The following NALCN variants were observed in gnomAD, a reference collection of about 807,000 sequenced individuals.
NALCN encodes the protein sodium leak channel, non-selective, also known as sodium leak channel NALCN.
Under a neutral mutation model 225.3 loss-of-function variants are expected in NALCN, and 111 were observed. The ratio of observed to expected loss-of-function variants is 0.49; its 90% confidence interval spans 0.42 to 0.58. The LOEUF (loss-of-function observed/expected upper bound fraction) is 0.58. NALCN is among the 20% of genes least tolerant of loss of function. The pLI is 0.00. For missense variants in NALCN, 1,378 were observed against 2,202.4 expected (o/e 0.63, Z 7.49); for synonymous variants, 764 against 769.0 (o/e 0.99, Z 0.11).
chr13:101,155,984 G>A (rs1359062919), intron 15 of NALCN, among the ~76,000 whole-genome samples: 1 of 152,016 alleles, frequency 6.6e-6, no homozygotes, highest in African/African-American at 2.4e-5. Flanking sequence ...AGAATCAGTT[G>A]TCCCTCCTCC....
intron 13 of NALCN, among the ~76,000 whole-genome samples, chr13:101,208,013 C>G (rs1282368278): frequency 6.6e-6 from 1 of 151,884 alleles, no homozygotes; most frequent in Non-Finnish European, 1.5e-5. Flanking sequence ...CTGTAACACT[C>G]ACCACGAAGG....
At chr13:101,357,816 T>A (rs142828588) in intron 6 of NALCN, among the ~76,000 whole-genome samples, 4,903 of 152,180 alleles carry the variant, frequency 0.032, 268 homozygotes, top group African/African-American at 0.11. Flanking sequence ...CAAAACAGCA[T>A]GGCACTGGTA....
intron 13 of NALCN, among the ~76,000 whole-genome samples, chr13:101,215,351 C>T (rs1182415740): frequency 1.3e-5 from 2 of 152,140 alleles, no homozygotes; most frequent in Non-Finnish European, 2.9e-5. Context: ...TTAGAAACAT[C>T]CAACACCTGG....
intron 15 of NALCN, among the ~76,000 whole-genome samples, chr13:101,152,092 G>T (rs1414198791): frequency 6.6e-6 from 1 of 152,178 alleles, no homozygotes; most frequent in African/African-American, 2.4e-5. Flanking sequence ...GTATATCCAA[G>T]GTCAAAGTGG....
intron 15 of NALCN, among the ~76,000 whole-genome samples, chr13:101,157,365 T>C (rs902103248): frequency 1.3e-5 from 2 of 152,112 alleles, no homozygotes; most frequent in African/African-American, 4.8e-5. Context: ...TCAGCACTCT[T>C]TGAAGAAATG....
In NALCN at chr13:101,107,706, C is replaced by T; in HGVS notation, c.2448G>A (p.Glu816=). Residue 816 remains glutamate (E), a synonymous_variant, in exon 21 of 44, where the codon GAG becomes GAA. Coordinates refer to ENST00000251127, the MANE Select transcript of NALCN (RefSeq NM_052867.4). The part of the protein sequence containing the change: ...KMIQEKKEQA[E]MKRKVQEEEL... ...ACTGCAGCAACCTGTACCTTTTCAT[C>T]TCTGCTTGCTCCTTTTTTTCCTGAA... The T allele has an allele frequency of 6.2e-7, 1 of 1,613,900 alleles. No homozygotes were observed. Among genetic ancestry groups the T allele is most frequent in the Non-Finnish European group, 8.5e-7 (1 of 1,179,906 alleles).
At chr13:101,291,175 T>TA (rs909309736) in intron 9 of NALCN, among the ~76,000 whole-genome samples, 4 of 152,218 alleles carry the variant, frequency 2.6e-5, no homozygotes, top group African/African-American at 9.6e-5. Flanking sequence ...AGGGATTCTT[T>TA]AAAAAATCAC....
At chr13:101,232,539 G>A (rs954813894) in intron 12 of NALCN, among the ~76,000 whole-genome samples, 6 of 150,504 alleles carry the variant, frequency 4.0e-5, no homozygotes, top group South Asian at 4.2e-4. Context: ...TCCACCTCCC[G>A]GGTTCACACC....
intron 10 of NALCN, among the ~76,000 whole-genome samples, chr13:101,272,090 C>T (rs1245318099): frequency 6.7e-6 from 1 of 148,342 alleles, no homozygotes; most frequent in East Asian, 2.1e-4. Context: ...TGTATGTGCA[C>T]GAGTGTGCAT....
chr13:101,213,885 C>T (rs1216610404), intron 13 of NALCN, among the ~76,000 whole-genome samples: 27 of 152,284 alleles, frequency 1.8e-4, no homozygotes, highest in African/African-American at 5.8e-4. Flanking sequence ...GACAGTGTGG[C>T]GATTCCTCAA....
chr13:101,055,629 A>G (rs2139372779), intron 43 of NALCN, 141 bp from the exon 44 acceptor site: 1 of 605,094 alleles, frequency 1.7e-6, no homozygotes, highest in East Asian at 2.9e-5. Context: ...CATCCTTTTC[A>G]GGACTTGATT....
At chr13:101,127,244 G>A (rs751018589) in intron 17 of NALCN, among the ~76,000 whole-genome samples, 21 of 152,328 alleles carry the variant, frequency 1.4e-4, no homozygotes, top group Admixed American at 3.9e-4. Flanking sequence ...ACAAAATACA[G>A]TATTAATTCA....
intron 7 of NALCN, among the ~76,000 whole-genome samples, chr13:101,323,333 T>C (rs960231468): frequency 6.6e-6 from 1 of 152,212 alleles, no homozygotes; most frequent in African/African-American, 2.4e-5. Context: ...TGTCTCAGCA[T>C]TGTCAAGATT....
chr13:101,177,261 T>C lies in NALCN; in HGVS notation c.1765-887A>G, dbSNP rs74117665. Among the ~76,000 whole-genome samples, 1,318 of 152,264 alleles carry C rather than the reference T, an allele frequency of 8.7e-3. 16 individuals are homozygous for C. Among genetic ancestry groups the C allele is most frequent in the African/African-American group, 0.031 (1,272 of 41,566 alleles). On this transcript the variant is annotated intron_variant, in intron 14 of 43. Coordinates refer to ENST00000251127, the MANE Select transcript of NALCN (RefSeq NM_052867.4). ...AACACTCAGCTAAGCCTGTCTCAGA[T>C]TCCCAACCTTGAGAAACTAATTGAG... is the stretch of plus-strand genomic sequence containing the variant.
chr13:101,379,416 C>T (rs745765785), intron 3 of NALCN, among the ~76,000 whole-genome samples: 1 of 152,082 alleles, frequency 6.6e-6, no homozygotes, highest in Non-Finnish European at 1.5e-5. Context: ...CACATGCACA[C>T]GTATGTTTAT....
At chr13:101,411,011 C>A (rs2047765392) in intron 1 of NALCN, among the ~76,000 whole-genome samples, 1 of 152,140 alleles carries the variant, frequency 6.6e-6, no homozygotes, top group Admixed American at 6.5e-5. Flanking sequence ...TCCAATTTCT[C>A]CAGTGCATTT....
At chr13:101,064,691 G>A (rs527980989) in intron 40 of NALCN, among the ~76,000 whole-genome samples, 251 of 152,178 alleles carry the variant, frequency 1.6e-3, no homozygotes, top group African/African-American at 5.9e-3. Context: ...GGAGAGGCTA[G>A]GCTAGATTCT....
chr13:101,312,440 T>G (rs2044381421), intron 7 of NALCN, among the ~76,000 whole-genome samples: 1 of 151,954 alleles, frequency 6.6e-6, no homozygotes, highest in Non-Finnish European at 1.5e-5. Context: ...CTAGTTCTTT[T>G]AATTGTGATG....
chr13:101,393,664 CG>C (rs2047205601), intron 3 of NALCN, among the ~76,000 whole-genome samples: 3 of 151,870 alleles, frequency 2.0e-5, no homozygotes, highest in Middle Eastern at 3.4e-3. Flanking sequence ...AAAATTAGCC[CG>C]GGGTGGTGGC....
Sources: allele counts gnomAD v4.1 joint callset (sites outside exome capture counted in the v4.1 genomes callset), GRCh38; gene constraint gnomAD v4.1.1; transcripts MANE v1.5; gene names NCBI Gene and HGNC (gene_info 2026-07-23, HGNC 2026-07-21).